NECAB1: variants seen among roughly 807,000 people sequenced by gnomAD.
The protein encoded by NECAB1 is N-terminal EF-hand calcium-binding protein 1.
Under a neutral mutation model 57.5 loss-of-function variants are expected in NECAB1, and 29 were observed. That is an observed-to-expected ratio of 0.50 (90% CI 0.38 to 0.69). The LOEUF (loss-of-function observed/expected upper bound fraction) is 0.69. Ranked by LOEUF, NECAB1 falls within the 30% of genes least tolerant of loss-of-function variation. The probability of loss-of-function intolerance (pLI) is 0.00; values close to 1 mark genes in which losing one functional copy is unlikely to be tolerated. For missense variants in NECAB1, 372 were observed against 413.8 expected (o/e 0.90, Z 0.88); for synonymous variants, 142 against 147.7 (o/e 0.96, Z 0.28).
intron 3 of NECAB1, among the ~76,000 whole-genome samples, chr8:90,845,181 C>T (rs1812532445): frequency 6.6e-6 from 1 of 152,120 alleles, no homozygotes; most frequent in Non-Finnish European, 1.5e-5. Flanking sequence ...TTTACCTCAT[C>T]CAAAACACCT....
At chr8:90,906,579 G>A (rs993399526) in intron 5 of NECAB1, among the ~76,000 whole-genome samples, 10 of 151,914 alleles carry the variant, frequency 6.6e-5, no homozygotes, top group Admixed American at 1.3e-4. Context: ...CATTGTTGAC[G>A]CTCTTGGTTT....
intron 12 of NECAB1, among the ~76,000 whole-genome samples, chr8:90,954,212 T>C (rs1253846600): frequency 6.6e-6 from 1 of 152,104 alleles, no homozygotes; most frequent in African/African-American, 2.4e-5. Context: ...TTTCTAATTT[T>C]ACTCACAAAT....
At chr8:90,937,996 G>A (rs982569718) in intron 9 of NECAB1, among the ~76,000 whole-genome samples, 4 of 152,114 alleles carry the variant, frequency 2.6e-5, no homozygotes, top group Non-Finnish European at 5.9e-5. Flanking sequence ...AAAGGCTAGG[G>A]TATCTCTGAA....
chr8:90,843,175 A>G (rs2129749552), intron 3 of NECAB1, among the ~76,000 whole-genome samples: 1 of 152,286 alleles, frequency 6.6e-6, no homozygotes, highest in African/African-American at 2.4e-5. Context: ...TATCATGAAA[A>G]CAGGAAGGGG....
chr8:90,809,067 G>A (rs1377854854), intron 2 of NECAB1, among the ~76,000 whole-genome samples: 3 of 152,186 alleles, frequency 2.0e-5, no homozygotes, highest in Non-Finnish European at 2.9e-5. Flanking sequence ...CTCCAGAGCT[G>A]CACTAGTGTT....
intron 12 of NECAB1, among the ~76,000 whole-genome samples, chr8:90,952,676 C>T (rs1291606409): frequency 6.6e-6 from 1 of 152,020 alleles, no homozygotes; most frequent in African/African-American, 2.4e-5. Flanking sequence ...GCTCAGGAGG[C>T]TGAGGCAGGA....
chr8:90,902,661 A>G (rs1809537403), intron 5 of NECAB1, among the ~76,000 whole-genome samples: 1 of 152,170 alleles, frequency 6.6e-6, no homozygotes, highest in Non-Finnish European at 1.5e-5. Context: ...ACATACTTCT[A>G]TCAATTAAAA....
intron 4 of NECAB1, among the ~76,000 whole-genome samples, chr8:90,874,134 G>A (rs1003348295): frequency 4.6e-5 from 7 of 152,240 alleles, no homozygotes; most frequent in African/African-American, 1.7e-4. Flanking sequence ...AAATATTTAA[G>A]TTGGATTCTA....
intron 5 of NECAB1, among the ~76,000 whole-genome samples, chr8:90,898,976 A>C (rs1316578167): frequency 6.6e-6 from 1 of 152,188 alleles, no homozygotes; most frequent in African/African-American, 2.4e-5. Flanking sequence ...ATGCCCTTGG[A>C]AGGTAAAGGG....
At chr8:90,843,053 T>C (rs1045079097) in intron 3 of NECAB1, among the ~76,000 whole-genome samples, 2 of 152,118 alleles carry the variant, frequency 1.3e-5, no homozygotes, top group Admixed American at 1.3e-4. Context: ...CTCCCAGTCA[T>C]GGCAGAAGGC....
At chr8:90,821,300 TCA>T (rs964802325) in intron 2 of NECAB1, among the ~76,000 whole-genome samples, 6 of 151,912 alleles carry the variant, frequency 3.9e-5, no homozygotes, top group Non-Finnish European at 8.8e-5. Context: ...CATCTGTTGC[TCA>T]GTTTGGAAAG....
At chr8:90,885,991 C>T (rs1171837908) in intron 5 of NECAB1, among the ~76,000 whole-genome samples, 1 of 152,054 alleles carries the variant, frequency 6.6e-6, no homozygotes, top group Non-Finnish European at 1.5e-5. Flanking sequence ...TAATTAAATG[C>T]TGAAATCATA....
intron 3 of NECAB1, among the ~76,000 whole-genome samples, chr8:90,850,073 G>T (rs1302365379): frequency 6.6e-6 from 1 of 152,154 alleles, no homozygotes; most frequent in African/African-American, 2.4e-5. Context: ...ATTACTTCTA[G>T]CTGTCAGCAA....
chr8:90,839,176 A>G (rs1350366278), intron 3 of NECAB1, among the ~76,000 whole-genome samples: 1 of 152,224 alleles, frequency 6.6e-6, no homozygotes, highest in Non-Finnish European at 1.5e-5. Context: ...TTATCTTTCT[A>G]TAACAAAAAC....
intron 3 of NECAB1, among the ~76,000 whole-genome samples, chr8:90,839,631 A>G (rs1348656767): frequency 6.6e-6 from 1 of 152,214 alleles, no homozygotes; most frequent in Non-Finnish European, 1.5e-5. Flanking sequence ...ATGGAGATAG[A>G]GATGATGTTT....
chr8:90,803,399 T>C (rs1293580565), intron 2 of NECAB1, among the ~76,000 whole-genome samples: 7 of 152,168 alleles, frequency 4.6e-5, no homozygotes, highest in Admixed American at 4.6e-4. Flanking sequence ...CCCAAGCTCC[T>C]AGTTTTCTCA....
intron 8 of NECAB1, among the ~76,000 whole-genome samples, chr8:90,933,335 G>T (rs568235489): frequency 6.6e-6 from 1 of 152,058 alleles, no homozygotes; most frequent in East Asian, 1.9e-4. Context: ...CCAAATGCCC[G>T]CCAATCAATG....
intron 5 of NECAB1, among the ~76,000 whole-genome samples, chr8:90,910,915 T>C (rs1269267262): frequency 1.3e-5 from 2 of 152,160 alleles, no homozygotes; most frequent in Non-Finnish European, 2.9e-5. Flanking sequence ...CACCATGCAA[T>C]GCATCTCTTG....
In NECAB1 at chr8:90,958,936, A is replaced by G; in HGVS notation, c.*3424A>G. 1.1e-6 allele frequency: 1 copy of G among 879,032 alleles called. No individual in the cohort carries two copies. The highest frequency in any genetic ancestry group is 2.9e-5 in the East Asian group (1 of 34,278). 54.5% of individuals were successfully genotyped at this position (879,032 alleles called of 1,614,324 possible). On this transcript the variant is annotated 3_prime_UTR_variant, in exon 13 of 13. Coordinates refer to ENST00000417640, the MANE Select transcript of NECAB1 (RefSeq NM_022351.5). ...AGAATAAATTGAATTGTCACAGTCCATTACAGTTATTGTTGCTAGATCCAC... is the reference window on the plus strand; with the variant it reads ...AGAATAAATTGAATTGTCACAGTCCGTTACAGTTATTGTTGCTAGATCCAC...
Sources: allele counts gnomAD v4.1 joint callset (sites outside exome capture counted in the v4.1 genomes callset), GRCh38; gene constraint gnomAD v4.1.1; transcripts MANE v1.5; gene names NCBI Gene and HGNC (gene_info 2026-07-23, HGNC 2026-07-21).